The following ARPP21 variants were observed in gnomAD, a reference collection of about 807,000 sequenced individuals.
The protein encoded by ARPP21 is cAMP regulated phosphoprotein 21.
ARPP21 carries 69 observed loss-of-function variants against 113.2 expected under a neutral mutation model. That is an observed-to-expected ratio of 0.61 (90% CI 0.50 to 0.74). ARPP21 has a LOEUF of 0.74. Ranked by LOEUF, ARPP21 falls within the 30% of genes least tolerant of loss-of-function variation. The probability of loss-of-function intolerance (pLI) is 0.00; values close to 1 mark genes in which losing one functional copy is unlikely to be tolerated. For synonymous variants in ARPP21, 368 were observed against 375.5 expected, an observed-to-expected ratio of 0.98 and a Z score of 0.23; for missense variants, 1,070 against 1,037.4, an observed-to-expected ratio of 1.03 and a Z score of -0.43.
intron 19 of ARPP21, among the ~76,000 whole-genome samples, chr3:35,772,546 G>A (rs1372039313): frequency 6.6e-6 from 1 of 152,168 alleles, no homozygotes; most frequent in Non-Finnish European, 1.5e-5. Context: ...CCTTGTTTTA[G>A]CAGTCAGGTA....
chr3:35,710,960 C>G (rs2090945288), intron 11 of ARPP21, among the ~76,000 whole-genome samples: 1 of 152,166 alleles, frequency 6.6e-6, no homozygotes, highest in Non-Finnish European at 1.5e-5. Flanking sequence ...TGCCCACATG[C>G]TGTATCAACA....
chr3:35,726,729 C>G (rs964098000), intron 14 of ARPP21, among the ~76,000 whole-genome samples: 1 of 152,238 alleles, frequency 6.6e-6, no homozygotes, highest in Non-Finnish European at 1.5e-5. Flanking sequence ...TCCTAACACA[C>G]ACACTCATGC....
At chr3:35,639,021 C>T (rs1020923001), upstream of ARPP21, 4 of 152,304 alleles carry the variant, frequency 2.6e-5, no homozygotes, top group Non-Finnish European at 4.4e-5. The surrounding 1 kb of genome is among the most constrained non-coding windows in gnomAD (Gnocchi z 5.0). Flanking sequence ...CCAGGGGCGC[C>T]CCCGAGACGG....
intron 9 of ARPP21, among the ~76,000 whole-genome samples, chr3:35,697,918 A>T (rs1222259623): frequency 6.6e-6 from 1 of 151,596 alleles, no homozygotes; most frequent in Non-Finnish European, 1.5e-5. Context: ...ATGCTTCCTT[A>T]ATCATCCTCT....
At chr3:35,700,269 G>A (rs769554444) in intron 9 of ARPP21, among the ~76,000 whole-genome samples, 2 of 151,734 alleles carry the variant, frequency 1.3e-5, no homozygotes, top group African/African-American at 2.4e-5. Context: ...CTGAAAAGAC[G>A]TAATTGTTTT....
intron 15 of ARPP21, among the ~76,000 whole-genome samples, chr3:35,734,312 TC>T (rs1356496066): frequency 2.6e-5 from 4 of 152,204 alleles, no homozygotes; most frequent in Non-Finnish European, 5.9e-5. Flanking sequence ...CTTTTAAAAA[TC>T]ATTTTCCAAA....
chr3:35,688,009 T>TATAGA, intron 6 of ARPP21, 126 bp downstream of exon 6: 1 of 808,580 alleles, frequency 1.2e-6, no homozygotes, highest in Non-Finnish European at 1.9e-6. Context: ...TACGTGTACG[T>TATAGA]ATCTGTGTGT....
At chr3:35,707,409 C>G (rs772353426) in intron 10 of ARPP21, 2 of 515,184 alleles carry the variant, frequency 3.9e-6, no homozygotes, top group South Asian at 3.1e-5. Context: ...GTCGCATATC[C>G]AGATGTCTGT....
chr3:35,767,624 A>G (rs745738497), intron 19 of ARPP21, among the ~76,000 whole-genome samples: 1 of 152,186 alleles, frequency 6.6e-6, no homozygotes, highest in African/African-American at 2.4e-5. Context: ...GTACATGGTA[A>G]TATTTGAATT....
At chr3:35,730,708 G>A (rs1264997997) in intron 15 of ARPP21, among the ~76,000 whole-genome samples, 1 of 152,116 alleles carries the variant, frequency 6.6e-6, no homozygotes, top group Non-Finnish European at 1.5e-5. Context: ...AAAATTATCT[G>A]ACTCAATCTT....
At chr3:35,660,943 T>C (rs910749018) in intron 1 of ARPP21, among the ~76,000 whole-genome samples, 1 of 152,184 alleles carries the variant, frequency 6.6e-6, no homozygotes, top group Non-Finnish European at 1.5e-5. Flanking sequence ...AAATATGTAG[T>C]TGGAAAGCTA....
chr3:35,732,233 T>A (rs916786576), intron 15 of ARPP21, among the ~76,000 whole-genome samples: 2 of 151,734 alleles, frequency 1.3e-5, no homozygotes, highest in Non-Finnish European at 2.9e-5. Flanking sequence ...GAAAAAAAAA[T>A]GAAACTTCCT....
rs558224378 is a variant in ARPP21, at chr3:35,671,683, G to A, written c.-212-8104G>A. 5.9e-5 allele frequency among the ~76,000 whole-genome samples: 9 copies of A among 152,096 alleles called. No individual in the cohort carries two copies. In the East Asian group the frequency reaches 1.6e-3, roughly 26 times the overall value. ...TGAACTGTGTGGCACTTCCTCCTAA[G>A]GGGAAAAATGACAGTTCGATGAGGA... On this transcript the variant is annotated intron_variant, in intron 1 of 20. Coordinates refer to ENST00000684406, the MANE Select transcript of ARPP21 (RefSeq NM_001385562.1).
At chr3:35,745,067 A>G (rs566888292) in intron 19 of ARPP21, among the ~76,000 whole-genome samples, 39 of 152,308 alleles carry the variant, frequency 2.6e-4, no homozygotes, top group African/African-American at 8.4e-4. Context: ...AGAGAAACCT[A>G]TATCTTCCAG....
chr3:35,679,231 G>A (rs1216998917), intron 1 of ARPP21, among the ~76,000 whole-genome samples: 1 of 151,804 alleles, frequency 6.6e-6, no homozygotes, highest in African/African-American at 2.4e-5. Flanking sequence ...AGAGAAAAGA[G>A]CTTTCTCAGC....
At position 35,681,744 on chromosome 3, in the gene ARPP21, C is replaced by T. The variant is rs761181371; in HGVS notation, c.-8C>T. On this transcript the variant is annotated 5_prime_UTR_variant, in exon 3 of 21. Coordinates refer to ENST00000684406, the MANE Select transcript of ARPP21 (RefSeq NM_001385562.1). ...AAAATCTTGTTATTTTAATTTGCATCTGGGAGAATGTCTGAGCAAGGAGAC... is the reference window on the plus strand; with the variant it reads ...AAAATCTTGTTATTTTAATTTGCATTTGGGAGAATGTCTGAGCAAGGAGAC... The T allele has an allele frequency of 1.2e-6, 2 of 1,607,518 alleles. No individual in the cohort carries two copies. The highest frequency in any genetic ancestry group is 2.2e-5 in the South Asian group (2 of 90,566).
chr3:35,740,168 ACAC>A (rs1229336376), intron 18 of ARPP21, among the ~76,000 whole-genome samples: 1 of 152,202 alleles, frequency 6.6e-6, no homozygotes, highest in Non-Finnish European at 1.5e-5. Context: ...AGCATGTAAG[ACAC>A]CACAGATCAC....
At chr3:35,767,475 G>A (rs1025573468) in intron 19 of ARPP21, among the ~76,000 whole-genome samples, 1 of 152,088 alleles carries the variant, frequency 6.6e-6, no homozygotes, top group African/African-American at 2.4e-5. Context: ...TTTGCCATCA[G>A]TTCTTGAATG....
At position 35,660,890 on chromosome 3, in the gene ARPP21, C is replaced by T. The variant is rs1016178230; in HGVS notation, c.-212-18897C>T. Reference sequence around the variant, plus strand: ...ATTAGTGAACAATCCTATAATGACTCATTTGGAAGTCACTGCTTAGCATAC... The same window carrying T: ...ATTAGTGAACAATCCTATAATGACTTATTTGGAAGTCACTGCTTAGCATAC... On this transcript the variant is annotated intron_variant, in intron 1 of 20. Transcript: ENST00000684406. Among the ~76,000 whole-genome samples the T allele has an allele frequency of 5.9e-5, 9 of 152,132 alleles. 1 individual carries two copies. The South Asian group carries it at 1.2e-3, about 21-fold the overall frequency.
Sources: allele counts gnomAD v4.1 joint callset (sites outside exome capture counted in the v4.1 genomes callset), GRCh38; gene constraint gnomAD v4.1.1; non-coding constraint Gnocchi (gnomAD v3.1); transcripts MANE v1.5; gene names NCBI Gene and HGNC (gene_info 2026-07-23, HGNC 2026-07-21).